CPM: variants seen among roughly 807,000 people sequenced by gnomAD.
CPM encodes carboxypeptidase M, also known as renal carboxypeptidase.
Under a neutral mutation model 46.4 loss-of-function variants are expected in CPM, and 35 were observed. The ratio of observed to expected loss-of-function variants is 0.75; its 90% CI spans 0.58 to 1.00. The LOEUF is 1.00. Ranked by LOEUF, CPM falls within the 50% of genes least tolerant of loss-of-function variation. CPM has a pLI of 0.00. For missense variants in CPM, 422 were observed against 530.4 expected, an observed-to-expected ratio of 0.80 and a Z score of 2.01; for synonymous variants, 195 against 195.3, an observed-to-expected ratio of 1.00 and a Z score of 0.01.
At chr12:68,938,372 C>T (rs994051156) in intron 1 of CPM, among the ~76,000 whole-genome samples, 1 of 151,632 alleles carries the variant, frequency 6.6e-6, no homozygotes, top group African/African-American at 2.4e-5. Context: ...GCACTCCATT[C>T]TGGGTGACAG....
intron 5 of CPM, chr12:68,844,935 T>C: frequency 5.1e-6 from 1 of 195,720 alleles, no homozygotes; most frequent in Non-Finnish European, 1.1e-5. Context: ...GCCCCGCTAA[T>C]TTTTGTATTT....
At chr12:68,898,253 T>C (rs1592674035) in intron 2 of CPM, among the ~76,000 whole-genome samples, 1 of 152,114 alleles carries the variant, frequency 6.6e-6, no homozygotes, top group Non-Finnish European at 1.5e-5. Flanking sequence ...AGACAGTTTG[T>C]TGGAGGTCTG....
intron 2 of CPM, chr12:68,913,976 C>G (rs1396783713): frequency 3.3e-5 from 24 of 719,928 alleles, no homozygotes; most frequent in South Asian, 2.9e-4. Flanking sequence ...TTTGATGCAG[C>G]TACACAGATA....
chr12:68,940,921 C>T (rs1888749653), intron 1 of CPM, among the ~76,000 whole-genome samples: 1 of 152,090 alleles, frequency 6.6e-6, no homozygotes, highest in South Asian at 2.1e-4. Flanking sequence ...CACTGTTGTG[C>T]AATAGAGCTC....
chr12:68,935,340 A>G (rs1046358971), upstream of CPM, among the ~76,000 whole-genome samples: 3 of 152,102 alleles, frequency 2.0e-5, no homozygotes, highest in Non-Finnish European at 4.4e-5. Context: ...AGCTCACTGC[A>G]GCCTCTGCCT....
chr12:68,890,371 A>T (rs994551919), intron 2 of CPM, among the ~76,000 whole-genome samples: 3 of 140,780 alleles, frequency 2.1e-5, no homozygotes, highest in African/African-American at 9.7e-5. Flanking sequence ...TTTAATTTAA[A>T]AAAAAAAAAA....
chr12:68,934,193 C>G (rs1420465691), upstream of CPM, among the ~76,000 whole-genome samples: 2 of 151,906 alleles, frequency 1.3e-5, no homozygotes, highest in Non-Finnish European at 2.9e-5. Context: ...GGGCCCGTGT[C>G]AAGGTCCGCA....
At chr12:68,944,091 T>C (rs980122821) in intron 1 of CPM, among the ~76,000 whole-genome samples, 2 of 152,190 alleles carry the variant, frequency 1.3e-5, no homozygotes, top group Admixed American at 6.5e-5. Flanking sequence ...ATCATATCTA[T>C]TCAACAATGA....
chr12:68,886,080 C>T (rs1886414791), intron 2 of CPM, among the ~76,000 whole-genome samples, 191 bp from the exon 3 acceptor site: 1 of 152,124 alleles, frequency 6.6e-6, no homozygotes, highest in African/African-American at 2.4e-5. Context: ...TATGGAAACC[C>T]TTTCAATTCA....
chr12:68,943,837 T>A (rs191353070), intron 1 of CPM, among the ~76,000 whole-genome samples: 1 of 152,300 alleles, frequency 6.6e-6, no homozygotes, highest in East Asian at 1.9e-4. Context: ...TTTCTAGCTT[T>A]GTTTCAAATG....
downstream of CPM, chr12:68,847,547 A>G (rs1390229083): frequency 3.0e-5 from 4 of 131,738 alleles, no homozygotes; most frequent in Non-Finnish European, 4.6e-5. Flanking sequence ...TCCGCCTCCC[A>G]GGTTCACGCC....
At chr12:68,942,314 C>T (rs1466106960) in intron 1 of CPM, among the ~76,000 whole-genome samples, 5 of 152,286 alleles carry the variant, frequency 3.3e-5, no homozygotes, top group South Asian at 2.1e-4. Context: ...TTTGTATACA[C>T]ATTTGTGTTC....
intron 1 of CPM, among the ~76,000 whole-genome samples, chr12:68,938,204 A>G (rs976736498): frequency 1.3e-5 from 2 of 152,222 alleles, no homozygotes; most frequent in Admixed American, 6.5e-5. Context: ...ACAAGATAAA[A>G]GAAAAATTTT....
At chr12:68,843,958 A>G in intron 5 of CPM, 1 of 210,000 alleles carries the variant, frequency 4.8e-6, no homozygotes, top group Non-Finnish European at 9.7e-6. Context: ...ATTGGAGTTC[A>G]TAATACTGAA....
At chr12:68,949,642 C>T (rs1888904355) in intron 1 of CPM, among the ~76,000 whole-genome samples, 1 of 152,160 alleles carries the variant, frequency 6.6e-6, no homozygotes, top group Non-Finnish European at 1.5e-5. Flanking sequence ...GTCTGGCATT[C>T]AGTAAATGTT....
At chr12:68,867,098 G>T in intron 6 of CPM, 50 bp from the exon 7 acceptor site, 1 of 1,587,646 alleles carries the variant, frequency 6.3e-7, no homozygotes. Flanking sequence ...TTGGAGTGGA[G>T]CCAAGTATCA....
downstream of CPM, chr12:68,849,399 TTTGTTG>T (rs1555190555): frequency 7.7e-6 from 1 of 129,090 alleles, no homozygotes; most frequent in South Asian, 2.5e-4. Context: ...CGTTTTTTTT[TTTGTTG>T]TTGTTGTTGT....
chr12:68,927,084 T>A (rs1888298701), intron 2 of CPM, among the ~76,000 whole-genome samples: 1 of 151,982 alleles, frequency 6.6e-6, no homozygotes, highest in African/African-American at 2.4e-5. Context: ...TACCCAGTAA[T>A]GGGATGGCTG....
chr12:68,955,225 C>T (rs969134615), intron 1 of CPM, among the ~76,000 whole-genome samples: 1 of 152,212 alleles, frequency 6.6e-6, no homozygotes, highest in Non-Finnish European at 1.5e-5. Context: ...AAGTGACACC[C>T]CTAAGGATCC....
Sources: allele counts gnomAD v4.1 joint callset (sites outside exome capture counted in the v4.1 genomes callset), GRCh38; gene constraint gnomAD v4.1.1; transcripts MANE v1.5; gene names NCBI Gene and HGNC (gene_info 2026-07-23, HGNC 2026-07-21).